ROR1: variants seen among roughly 807,000 people sequenced by gnomAD.
The protein encoded by ROR1 is ROR family WNT receptor 1, also known as inactive tyrosine-protein kinase transmembrane receptor ROR1.
In ROR1, 19 loss-of-function variants were observed where a neutral mutation model predicts 78.8. The observed-to-expected ratio is 0.24, with a 90% CI of 0.17 to 0.35. The LOEUF is 0.35. Ranked by LOEUF, ROR1 falls within the 10% of genes least tolerant of loss-of-function variation. The pLI, the probability that ROR1 is intolerant of heterozygous loss-of-function variation, is 1.00. For synonymous variants in ROR1, 386 were observed against 433.6 expected (o/e 0.89, Z 1.36); for missense variants, 917 against 1,177.8 (o/e 0.78, Z 3.24).
At position 64,178,334 on chromosome 1, in the gene ROR1, A is replaced by T. The variant is rs959492533; in HGVS notation, c.2293A>T (p.Asn765Tyr). The T allele has an allele frequency of 6.2e-7, 1 of 1,614,154 alleles. No individual in the cohort carries two copies. The highest frequency in any genetic ancestry group is 8.5e-7 in the Non-Finnish European group (1 of 1,180,018). ...AAGCTCTACTACTCCTTCAGGGGGA[A>T]ATGCCACCACACAGACAACCTCCCT... ...HTSSTTPSGG[N>Y]ATTQTTSLSA... Residue 765 changes from asparagine to tyrosine, a missense_variant, in exon 9 of 9, where the codon AAT becomes TAT. Physicochemically the swap from Asn to Tyr is moderately radical, Grantham distance 143. This residue lies in a region of ROR1 where 835 missense variants were observed against 1,069.8 expected (regional missense o/e 0.78). Coordinates refer to ENST00000371079, the MANE Select transcript of ROR1 (RefSeq NM_005012.4). This position sits in a 1 kb window ranked among gnomAD's most constrained non-coding sequence, Gnocchi z 4.3.
chr1:63,813,228 G>C (rs1056031405), intron 1 of ROR1, among the ~76,000 whole-genome samples: 1 of 152,112 alleles, frequency 6.6e-6, no homozygotes, highest in Non-Finnish European at 1.5e-5. Flanking sequence ...TGTTTTCTTT[G>C]GGAAAAACAA....
chr1:64,136,538 C>T (rs1204723238), intron 4 of ROR1, among the ~76,000 whole-genome samples: 1 of 152,022 alleles, frequency 6.6e-6, no homozygotes, highest in East Asian at 1.9e-4. Context: ...AGCCTCTGCC[C>T]TTTCAGGTTG....
chr1:64,146,862 T>TATTCATCTCCATTTAAA (rs1405966184), intron 7 of ROR1, among the ~76,000 whole-genome samples: 3 of 152,174 alleles, frequency 2.0e-5, no homozygotes, highest in African/African-American at 7.2e-5. Context: ...GTGCTTTACA[T>TATTCATCTCCATTTAAA]ATTCATCTCC....
At chr1:63,918,159 T>C (rs1287037296) in intron 1 of ROR1, among the ~76,000 whole-genome samples, 1 of 152,226 alleles carries the variant, frequency 6.6e-6, no homozygotes, top group Non-Finnish European at 1.5e-5. Flanking sequence ...TTTGGGTGCC[T>C]GGAACAGGAG....
intron 2 of ROR1, among the ~76,000 whole-genome samples, chr1:64,024,824 G>T (rs1439269974): frequency 6.6e-6 from 1 of 152,206 alleles, no homozygotes; most frequent in South Asian, 2.1e-4. Flanking sequence ...AAAATGGTAT[G>T]TCATTGTTAT....
At chr1:64,000,100 C>T (rs1646370343) in intron 1 of ROR1, among the ~76,000 whole-genome samples, 1 of 151,864 alleles carries the variant, frequency 6.6e-6, no homozygotes, top group Non-Finnish European at 1.5e-5. Flanking sequence ...AAATGGCAAA[C>T]TCCATAAGAC....
At chr1:64,011,332 C>A (rs1463851599) in intron 2 of ROR1, among the ~76,000 whole-genome samples, 1 of 152,104 alleles carries the variant, frequency 6.6e-6, no homozygotes, top group Non-Finnish European at 1.5e-5. Flanking sequence ...AATAAAAGAC[C>A]CTGAACATTA....
At chr1:63,858,953 G>A (rs188956357) in intron 1 of ROR1, among the ~76,000 whole-genome samples, 78 of 152,266 alleles carry the variant, frequency 5.1e-4, no homozygotes, top group African/African-American at 1.4e-3. Flanking sequence ...AATGTGTTCC[G>A]TCTTGGGATG....
chr1:64,088,050 T>C (rs531706596), intron 4 of ROR1, among the ~76,000 whole-genome samples: 73 of 152,310 alleles, frequency 4.8e-4, no homozygotes, highest in African/African-American at 1.7e-3. Context: ...CTGCCAGTTG[T>C]GGTTTTGAGA....
Position 64,029,618 on chromosome 1 carries a change from G to T in ROR1, c.164-20073G>T, listed in dbSNP as rs61221205. ...TTCTGCCTTACAGATGGCCACTGGC[G>T]TCTTGCTCTGCCCTTACATGGCAGA... On this transcript the variant is annotated intron_variant, in intron 2 of 8. Transcript: ENST00000371079. 1.6e-4 allele frequency among the ~76,000 whole-genome samples: 24 copies of T among 152,252 alleles called. 1 individual carries two copies. Among genetic ancestry groups the T allele is most frequent in the African/African-American group, 4.6e-4 (19 of 41,544 alleles).
At chr1:63,865,755 A>T (rs1645211810) in intron 1 of ROR1, among the ~76,000 whole-genome samples, 1 of 152,220 alleles carries the variant, frequency 6.6e-6, no homozygotes, top group Non-Finnish European at 1.5e-5. Flanking sequence ...GCGGGCACTA[A>T]ACAAATATTT....
At chr1:63,992,248 AGGCT>A (rs1196979010) in intron 1 of ROR1, among the ~76,000 whole-genome samples, 2 of 151,842 alleles carry the variant, frequency 1.3e-5, no homozygotes, top group African/African-American at 4.8e-5. Flanking sequence ...CTCTGTCGCC[AGGCT>A]GGTGGAGTGC....
chr1:63,895,746 T>G (rs909079100), intron 1 of ROR1, among the ~76,000 whole-genome samples: 2 of 152,208 alleles, frequency 1.3e-5, no homozygotes, highest in African/African-American at 4.8e-5. Flanking sequence ...TTACCAGCTG[T>G]TAAATAGATA....
chr1:63,937,216 T>A lies in ROR1; in HGVS notation c.92-72089T>A, dbSNP rs148119265. ...TAGTGACTGAGGTTTAGCACAATGC[T>A]TTGCACTTCTCAGTGAGCCGGCAGT... is the stretch of plus-strand genomic sequence containing the variant. On this transcript the variant is annotated intron_variant, in intron 1 of 8. Coordinates refer to ENST00000371079, the MANE Select transcript of ROR1 (RefSeq NM_005012.4). 2.6e-5 allele frequency among the ~76,000 whole-genome samples: 4 copies of A among 152,348 alleles called. No homozygotes were observed. In the East Asian group the frequency reaches 5.8e-4, roughly 22 times the overall value.
chr1:63,806,872 T>A (rs1644833116), intron 1 of ROR1, among the ~76,000 whole-genome samples: 2 of 152,236 alleles, frequency 1.3e-5, no homozygotes, highest in African/African-American at 4.8e-5. Context: ...TGAGATGGGC[T>A]ATGAATATAA....
intron 1 of ROR1, chr1:63,789,318 G>A: frequency 2.0e-6 from 1 of 493,978 alleles, no homozygotes; most frequent in Non-Finnish European, 3.8e-6. Flanking sequence ...TGTGACCATA[G>A]CAGTGAAAGG....
intron 1 of ROR1, among the ~76,000 whole-genome samples, chr1:63,956,037 T>C (rs1004071691): frequency 6.6e-6 from 1 of 152,206 alleles, no homozygotes; most frequent in Non-Finnish European, 1.5e-5. Flanking sequence ...CCCATGGGGA[T>C]GAGGCCCATG....
intron 1 of ROR1, among the ~76,000 whole-genome samples, chr1:63,836,925 T>C (rs1645021662): frequency 6.6e-6 from 1 of 152,216 alleles, no homozygotes; most frequent in Admixed American, 6.5e-5. Context: ...CTTATAGCGA[T>C]GAAGTGTGTG....
chr1:64,032,578 G>A (rs1020595728), intron 2 of ROR1, among the ~76,000 whole-genome samples: 5 of 152,120 alleles, frequency 3.3e-5, no homozygotes, highest in Admixed American at 2.6e-4. Context: ...TGTGGCAGAG[G>A]TGGGACCAGA....
Sources: gnomAD v4.1 joint callset for allele counts (sites outside exome capture counted in the v4.1 genomes callset) on GRCh38, gnomAD v4.1.1 for gene constraint, gnomAD v4.1.1 regional missense constraint, Gnocchi (gnomAD v3.1) non-coding constraint, MANE v1.5 for transcripts, NCBI Gene and HGNC (gene_info 2026-07-23, HGNC 2026-07-21) for gene names.